RALGAPA2: variants seen among roughly 807,000 people sequenced by gnomAD.
RALGAPA2 encodes Ral GTPase activating protein catalytic subunit alpha 2, also known as ral GTPase-activating protein subunit alpha-2.
RALGAPA2 carries 139 observed loss-of-function variants against 230.4 expected under a neutral mutation model. That is an observed-to-expected ratio of 0.60 (90% CI 0.53 to 0.69). The LOEUF (loss-of-function observed/expected upper bound fraction) is 0.69. Ranked by LOEUF, RALGAPA2 falls within the 30% of genes least tolerant of loss-of-function variation. RALGAPA2 has a pLI of 0.00. For synonymous variants in RALGAPA2, 847 were observed against 837.8 expected, an observed-to-expected ratio of 1.01 and a Z score of -0.19; for missense variants, 2,163 against 2,276.0, an observed-to-expected ratio of 0.95 and a Z score of 1.01.
At position 20,437,426 on chromosome 20, in the gene RALGAPA2, G is replaced by C. The variant is rs1309507364; in HGVS notation, c.5496-25278C>G. ...CTACCTCTTCTGGCCTCTGTACCCAGCAGCAGGAGGCTTTCAGGGATGGTG... is the reference window on the plus strand; with the variant it reads ...CTACCTCTTCTGGCCTCTGTACCCACCAGCAGGAGGCTTTCAGGGATGGTG... On this transcript the variant is annotated intron_variant, in intron 37 of 39. Coordinates refer to ENST00000202677, the MANE Select transcript of RALGAPA2 (RefSeq NM_020343.4). This position sits in a 1 kb window ranked among gnomAD's most constrained non-coding sequence, Gnocchi z 4.1. 6.6e-6 allele frequency among the ~76,000 whole-genome samples: 1 copy of C among 152,196 alleles called. No homozygotes were observed. The highest frequency in any genetic ancestry group is 1.5e-5 in the Non-Finnish European group (1 of 68,024).
chr20:20,611,417 C>A lies in RALGAPA2; in HGVS notation c.1698G>T (p.Met566Ile). ...CTGTTATCCTGAGTAGTATTTGCAACATCTGTTCCCTGGGCCACCCAAAAT... is the reference window on the plus strand; with the variant it reads ...CTGTTATCCTGAGTAGTATTTGCAAAATCTGTTCCCTGGGCCACCCAAAAT... Reference protein sequence around the residue: ...LTMNKKTWEQMLQILLRITEA... With the variant: ...LTMNKKTWEQILQILLRITEA... Residue 566 changes from methionine (M) to isoleucine (I), a missense_variant, in exon 14 of 40, where the codon ATG becomes ATT. By Grantham distance (10) the Met-to-Ile change is conservative (BLOSUM62 1). Transcript: ENST00000202677. 1 of 1,612,212 alleles carries A rather than the reference C, an allele frequency of 6.2e-7. No individual in the cohort carries two copies. The highest frequency in any genetic ancestry group is 8.5e-7 in the Non-Finnish European group (1 of 1,178,838).
rs568073844 is a variant in RALGAPA2 at position 20,639,531 on chromosome 20, T to A, written c.666+254A>T. 3.6e-4 allele frequency among the ~76,000 whole-genome samples: 55 copies of A among 152,222 alleles called. 1 individual carries two copies. Among genetic ancestry groups the A allele is most frequent in the South Asian group, 2.7e-3 (13 of 4,828 alleles). Reference sequence around the variant, plus strand: ...CCTCCTTCAACCTGTCTTGCAAGCATAGAGATTAGGGGTAGGAAAGGAGTA... The same window carrying A: ...CCTCCTTCAACCTGTCTTGCAAGCAAAGAGATTAGGGGTAGGAAAGGAGTA... On this transcript the variant is annotated intron_variant, in intron 7 of 39. Coordinates refer to ENST00000202677, the MANE Select transcript of RALGAPA2 (RefSeq NM_020343.4).
At chr20:20,411,970 C>T in intron 38 of RALGAPA2, 57 bp downstream of exon 38, 2 of 1,601,120 alleles carry the variant, frequency 1.2e-6, no homozygotes, top group Non-Finnish European at 1.7e-6. Flanking sequence ...AACAGGTGTA[C>T]ATCTGCTGCT....
chr20:20,651,174 G>A (rs769632916), intron 4 of RALGAPA2, among the ~76,000 whole-genome samples: 4 of 152,100 alleles, frequency 2.6e-5, no homozygotes, highest in East Asian at 1.9e-4. Flanking sequence ...GTACATCAAC[G>A]CACCACATTG....
chr20:20,412,959 T>A (rs766023305), intron 37 of RALGAPA2, among the ~76,000 whole-genome samples: 2 of 152,196 alleles, frequency 1.3e-5, no homozygotes, highest in Non-Finnish European at 2.9e-5. Flanking sequence ...CCTTAGAAGG[T>A]GAATCATGCA....
At chr20:20,611,283 G>C in intron 14 of RALGAPA2, 32 bp downstream of exon 14, 1 of 1,566,260 alleles carries the variant, frequency 6.4e-7, no homozygotes, top group Non-Finnish European at 8.7e-7. Flanking sequence ...TTCATTTCTT[G>C]CATTTGCAGT....
chr20:20,674,124 AG>A (rs1367799348), intron 3 of RALGAPA2, among the ~76,000 whole-genome samples: 10 of 151,986 alleles, frequency 6.6e-5, no homozygotes, highest in African/African-American at 2.4e-4. Context: ...TGAGCCCAGG[AG>A]GTCAAGGCTA....
At chr20:20,558,955 G>C (rs1162436955) in intron 23 of RALGAPA2, among the ~76,000 whole-genome samples, 1 of 152,106 alleles carries the variant, frequency 6.6e-6, no homozygotes, top group East Asian at 1.9e-4. Context: ...TCATGGTACT[G>C]ACTTTTGCCA....
chr20:20,580,470 A>T (rs1026369470), intron 20 of RALGAPA2, among the ~76,000 whole-genome samples: 1 of 152,146 alleles, frequency 6.6e-6, no homozygotes, highest in Non-Finnish European at 1.5e-5. Flanking sequence ...GGAAACTAGA[A>T]ACAGCCCGTA....
intron 10 of RALGAPA2, among the ~76,000 whole-genome samples, chr20:20,627,763 G>A (rs370349524): frequency 6.6e-6 from 1 of 152,212 alleles, no homozygotes; most frequent in Non-Finnish European, 1.5e-5. Context: ...TCCGCTGCCA[G>A]TAACAAATCT....
chr20:20,633,954 G>C (rs920264160), intron 9 of RALGAPA2, among the ~76,000 whole-genome samples: 3 of 152,182 alleles, frequency 2.0e-5, no homozygotes, highest in East Asian at 1.9e-4. Flanking sequence ...GAAGGAGAGA[G>C]AGAAAGAGAT....
chr20:20,547,812 T>C (rs1339922815), intron 23 of RALGAPA2, among the ~76,000 whole-genome samples: 1 of 152,208 alleles, frequency 6.6e-6, no homozygotes, highest in African/African-American at 2.4e-5. Flanking sequence ...TATGATCATC[T>C]TGTGAACATC....
rs995379661 is a variant in RALGAPA2 at position 20,571,612 on chromosome 20, G to A, written c.3002C>T (p.Ala1001Val). Residue 1001 changes from alanine to valine, a missense_variant and splice_region_variant, in exon 23 of 40, where the codon GCG becomes GTG. Ala to Val is a moderately conservative substitution (Grantham distance 64, BLOSUM62 0). Coordinates refer to ENST00000202677, the MANE Select transcript of RALGAPA2 (RefSeq NM_020343.4). Reference sequence around the variant, plus strand: ...CTTATATTCATTTGGCAGTGTCGCCGCCTGTCAAGGAGATGATGTTTCCAG... The same window carrying A: ...CTTATATTCATTTGGCAGTGTCGCCACCTGTCAAGGAGATGATGTTTCCAG... ...LRMFASWLFKAATLPNEYKEG... is the reference protein window; with the variant it reads ...LRMFASWLFKVATLPNEYKEG... 1.2e-5 allele frequency: 19 copies of A among 1,607,350 alleles called. No homozygotes were observed. The highest frequency in any genetic ancestry group is 3.3e-5 in the South Asian group (3 of 89,812).
At chr20:20,413,095 G>T (rs2060094982) in intron 37 of RALGAPA2, among the ~76,000 whole-genome samples, 1 of 152,212 alleles carries the variant, frequency 6.6e-6, no homozygotes, top group Non-Finnish European at 1.5e-5. Flanking sequence ...CATTATCAAT[G>T]CAAAAGTTAA....
At chr20:20,611,231 T>A in intron 14 of RALGAPA2, 84 bp downstream of exon 14, 1 of 1,458,518 alleles carries the variant, frequency 6.9e-7, no homozygotes, top group Non-Finnish European at 9.1e-7. Flanking sequence ...ATATTATTTT[T>A]AAAATTCTCA....
rs6132307 is a variant in RALGAPA2 at position 20,503,604 on chromosome 20, G to A, written c.5053-98C>T. The A allele has an allele frequency of 0.011, 10,808 of 998,524 alleles. 312 individuals are homozygous for A. In the East Asian group the frequency reaches 0.11, roughly 10 times the overall value. 61.9% of individuals were successfully genotyped at this position (998,524 alleles called of 1,614,324 possible). ...TTCAGAAAAAAAATAAATTATTTTC[G>A]TTTTTATATCTTTCTTTCTGATTAC... On this transcript the variant is annotated intron_variant, in intron 34 of 39. Transcript: ENST00000202677.
At chr20:20,603,132 C>T (rs543376484) in intron 15 of RALGAPA2, among the ~76,000 whole-genome samples, 2 of 152,282 alleles carry the variant, frequency 1.3e-5, no homozygotes, top group East Asian at 3.9e-4. Context: ...CCTAAATCTC[C>T]AGTCTATTTC....
chr20:20,644,143 T>C (rs1290600371), intron 4 of RALGAPA2, among the ~76,000 whole-genome samples: 2 of 152,184 alleles, frequency 1.3e-5, no homozygotes, highest in East Asian at 3.8e-4. Context: ...CTTCTATAAA[T>C]GTATTCATGA....
At chr20:20,524,133 C>G (rs954514180) in intron 30 of RALGAPA2, among the ~76,000 whole-genome samples, 2 of 151,982 alleles carry the variant, frequency 1.3e-5, no homozygotes, top group African/African-American at 4.8e-5. Flanking sequence ...ATTTTTTGTA[C>G]TTTTAGTAGA....
Sources: allele counts gnomAD v4.1 joint callset (sites outside exome capture counted in the v4.1 genomes callset), GRCh38; gene constraint gnomAD v4.1.1; non-coding constraint Gnocchi (gnomAD v3.1); transcripts MANE v1.5; gene names NCBI Gene and HGNC (gene_info 2026-07-23, HGNC 2026-07-21).